ZNF440: variants seen among roughly 807,000 people sequenced by gnomAD.
ZNF440 encodes the protein zinc finger protein 440.
In ZNF440, 47 loss-of-function variants were observed where a neutral mutation model predicts 49.7. That is an observed-to-expected ratio of 0.95 (90% CI 0.75 to 1.21). ZNF440 has a LOEUF of 1.21. Ranked by LOEUF, ZNF440 falls within the 50% of genes most tolerant of loss-of-function variation. The probability of loss-of-function intolerance (pLI) is 0.00; values close to 1 mark genes in which losing one functional copy is unlikely to be tolerated. For synonymous variants in ZNF440, 255 were observed against 237.7 expected, an observed-to-expected ratio of 1.07 and a Z score of -0.67; for missense variants, 703 against 715.0, an observed-to-expected ratio of 0.98 and a Z score of 0.19.
At chr19:11,818,547 A>T (rs1022123532) in intron 1 of ZNF440, among the ~76,000 whole-genome samples, 2 of 146,012 alleles carry the variant, frequency 1.4e-5, no homozygotes, top group African/African-American at 5.2e-5. Flanking sequence ...ACAACAATTT[A>T]ATTATTATTA....
At chr19:11,823,439 T>C (rs1975823519) in intron 1 of ZNF440, among the ~76,000 whole-genome samples, 1 of 152,186 alleles carries the variant, frequency 6.6e-6, no homozygotes, top group Non-Finnish European at 1.5e-5. Context: ...AGTTTTTCCT[T>C]AATTTTAGTG....
In ZNF440 at chr19:11,833,700, CT is replaced by C; in HGVS notation, c.*738del. Reference sequence around the variant, plus strand: ...GAAAGCCTTCATTTCTTCTAGTTCCCTTCAATATCATGAAAGGACTCACACT... The same window carrying C: ...GAAAGCCTTCATTTCTTCTAGTTCCCTCAATATCATGAAAGGACTCACACT... On this transcript the variant is annotated 3_prime_UTR_variant, in exon 4 of 4. Coordinates refer to ENST00000304060, the MANE Select transcript of ZNF440 (RefSeq NM_152357.3). 2 of 590,922 alleles carry C rather than the reference CT, an allele frequency of 3.4e-6. No homozygotes were observed. The highest frequency in any genetic ancestry group is 2.7e-6 in the Non-Finnish European group (1 of 365,618). The allele number at this position is 590,922 out of a possible 1,614,324, so 36.6% of individuals were successfully genotyped here. A position where few individuals can be genotyped will look rare whatever the true frequency, so the allele number is the denominator to read the frequency against.
chr19:11,826,650 T>A (rs1039407387), intron 1 of ZNF440, among the ~76,000 whole-genome samples: 6 of 138,638 alleles, frequency 4.3e-5, no homozygotes, highest in African/African-American at 1.6e-4. Flanking sequence ...TTTCCTTTTT[T>A]AATTTTTTTT....
At chr19:11,828,256 C>T (rs1157175643) in intron 1 of ZNF440, among the ~76,000 whole-genome samples, 1 of 152,062 alleles carries the variant, frequency 6.6e-6, no homozygotes, top group Non-Finnish European at 1.5e-5. Context: ...TGCAGTAGCG[C>T]AATCTCGGCT....
At position 11,832,549 on chromosome 19, in the gene ZNF440, A is replaced by G. The variant is rs374035788; in HGVS notation, c.1373A>G (p.Tyr458Cys). The change falls in exon 4 of 4, where the codon TAT becomes TGT. Residue 458 changes from tyrosine (Y) to cysteine (C), a missense_variant. Coordinates refer to ENST00000304060, the MANE Select transcript of ZNF440 (RefSeq NM_152357.3). Reference sequence around the variant, plus strand: ...AGAATACACTCTGGAGAAAGACGTTATAAATGTAAGATATGTGGGAAAGGC... The same window carrying G: ...AGAATACACTCTGGAGAAAGACGTTGTAAATGTAAGATATGTGGGAAAGGC... ...HIRIHSGERR[Y>C]KCKICGKGFY... 2 of 1,614,144 alleles carry G rather than the reference A, an allele frequency of 1.2e-6. No homozygotes were observed. Among genetic ancestry groups the G allele is most frequent in the South Asian group, 1.1e-5 (1 of 91,074 alleles).
chr19:11,825,436 C>T (rs991988618), intron 1 of ZNF440, among the ~76,000 whole-genome samples: 20 of 151,650 alleles, frequency 1.3e-4, no homozygotes, highest in African/African-American at 4.9e-4. Flanking sequence ...CCCCTGTGCT[C>T]CTTCTAATCA....
chr19:11,823,865 A>G (rs1448467730), intron 1 of ZNF440, among the ~76,000 whole-genome samples: 4 of 152,030 alleles, frequency 2.6e-5, no homozygotes, highest in East Asian at 1.9e-4. Context: ...GGGAGGCTGA[A>G]GCAGGAGAAT....
At chr19:11,827,193 A>T (rs1322562730) in intron 1 of ZNF440, among the ~76,000 whole-genome samples, 1 of 151,522 alleles carries the variant, frequency 6.6e-6, no homozygotes, top group Non-Finnish European at 1.5e-5. Context: ...CCTCCTGAGT[A>T]ACTGGGATTA....
intron 1 of ZNF440, 175 bp from the exon 2 acceptor site, chr19:11,830,108 A>C (rs1437428008): frequency 7.4e-7 from 1 of 1,357,302 alleles, no homozygotes; most frequent in African/African-American, 1.5e-5. Flanking sequence ...GAAAAAAAAA[A>C]CAAGTTGCTT....
intron 1 of ZNF440, among the ~76,000 whole-genome samples, chr19:11,825,135 T>TAGCA (rs1279845359): frequency 1.3e-5 from 2 of 151,592 alleles, no homozygotes; most frequent in African/African-American, 4.9e-5. Flanking sequence ...CTAGGCAACA[T>TAGCA]AGCAAGACCC....
Position 11,832,259 on chromosome 19 carries a change from T to A in ZNF440, c.1083T>A (p.Ile361=). The A allele has an allele frequency of 6.2e-7, 1 of 1,614,010 alleles. No homozygotes were observed. The highest frequency in any genetic ancestry group is 8.5e-7 in the Non-Finnish European group (1 of 1,179,990). The change falls in exon 4 of 4, where the codon ATT becomes ATA. Residue 361 remains isoleucine, a synonymous_variant. Coordinates refer to ENST00000304060, the MANE Select transcript of ZNF440 (RefSeq NM_152357.3). ...ATTCATTTCAAAGACATGAAAAAATTCACAGTGGAGAGAAACCCTATAAAT... is the reference window on the plus strand; with the variant it reads ...ATTCATTTCAAAGACATGAAAAAATACACAGTGGAGAGAAACCCTATAAAT... ...SVNSFQRHEK[I]HSGEKPYKCK...
chr19:11,835,112 T>G lies in ZNF440; in HGVS notation c.*2148T>G, dbSNP rs1976003215. The G allele has an allele frequency of 6.6e-6, 1 of 152,182 alleles. No individual in the cohort carries two copies. The highest frequency in any genetic ancestry group is 2.4e-5 in the African/African-American group (1 of 41,390). 9.4% of individuals were successfully genotyped at this position (152,182 alleles called of 1,614,324 possible). A position where few individuals can be genotyped will look rare whatever the true frequency, so the allele number is the denominator to read the frequency against. On this transcript the variant is annotated 3_prime_UTR_variant, in exon 4 of 4. Transcript: ENST00000304060. ...CGAGTGCGGTGGCTCACGCCTATAA[T>G]CCCAGCACTTTGGGAGGCCGAGGCG...
chr19:11,829,764 A>G (rs1385985900), intron 1 of ZNF440, among the ~76,000 whole-genome samples: 2 of 151,834 alleles, frequency 1.3e-5, no homozygotes, highest in African/African-American at 4.8e-5. Flanking sequence ...ACCCAGGAGT[A>G]AGAGGTTGTA....
Position 11,833,403 on chromosome 19 carries a change from C to T in ZNF440, c.*439C>T. On this transcript the variant is annotated 3_prime_UTR_variant, in exon 4 of 4. Transcript: ENST00000304060. The stretch of plus-strand genomic sequence containing the variant: ...GCAAGAACACACAATGGAGAGAAAC[C>T]CTATGAATGTAAAGAATGCAGAAAA... 2 of 420,436 alleles carry T rather than the reference C, an allele frequency of 4.8e-6. No individual in the cohort carries two copies. The highest frequency in any genetic ancestry group is 6.0e-5 in the East Asian group (1 of 16,618). 26.0% of individuals were successfully genotyped at this position (420,436 alleles called of 1,614,324 possible). A position where few individuals can be genotyped will look rare whatever the true frequency, so the allele number is the denominator to read the frequency against.
Position 11,833,502 on chromosome 19 carries a change from A to T in ZNF440, c.*538A>T. 3.1e-6 allele frequency: 1 copy of T among 324,350 alleles called. No individual in the cohort carries two copies. Among genetic ancestry groups the T allele is most frequent in the African/African-American group, 2.2e-5 (1 of 45,256 alleles). 20.1% of individuals were successfully genotyped at this position (324,350 alleles called of 1,614,324 possible). A position where few individuals can be genotyped will look rare whatever the true frequency, so the allele number is the denominator to read the frequency against. ...GGAAGGAAACACTATGAATGCAAGCAATGTGGCAAAGCTTTCACTTCTTCC... is the reference window on the plus strand; with the variant it reads ...GGAAGGAAACACTATGAATGCAAGCTATGTGGCAAAGCTTTCACTTCTTCC... On this transcript the variant is annotated 3_prime_UTR_variant, in exon 4 of 4. Coordinates refer to ENST00000304060, the MANE Select transcript of ZNF440 (RefSeq NM_152357.3).
intron 3 of ZNF440, 69 bp from the exon 4 acceptor site, chr19:11,831,299 A>G (rs1407788836): frequency 6.5e-7 from 1 of 1,541,472 alleles, no homozygotes; most frequent in African/African-American, 1.4e-5. Flanking sequence ...ATGCAAGTGC[A>G]ATACTTGTTG....
In ZNF440 at chr19:11,814,279, C is replaced by T. The variant is rs117233806; in HGVS notation, c.-169C>T. On this transcript the variant is annotated 5_prime_UTR_variant, in exon 1 of 4. Transcript: ENST00000304060. ...GAAGGGGGAAGGGACAGTCGCCCTC[C>T]GTCCATTCCTTTAGTGCTGCGCCGA... 9.0e-3 allele frequency: 5,413 copies of T among 601,122 alleles called. 34 individuals are homozygous for T. Among genetic ancestry groups the T allele is most frequent in the Non-Finnish European group, 0.012 (4,566 of 390,858 alleles). 37.2% of individuals were successfully genotyped at this position (601,122 alleles called of 1,614,324 possible).
intron 1 of ZNF440, among the ~76,000 whole-genome samples, chr19:11,820,849 G>A (rs1358776823): frequency 6.6e-6 from 1 of 152,236 alleles, no homozygotes; most frequent in Admixed American, 6.5e-5. Context: ...CATCTCTGAA[G>A]AGAGAACTCA....
chr19:11,825,219 T>C (rs1204437306), intron 1 of ZNF440, among the ~76,000 whole-genome samples: 1 of 151,996 alleles, frequency 6.6e-6, no homozygotes, highest in Non-Finnish European at 1.5e-5. Context: ...AAAGAAACCA[T>C]ATTGACTTTG....
Sources: gnomAD v4.1 joint callset for allele counts (sites outside exome capture counted in the v4.1 genomes callset) on GRCh38, gnomAD v4.1.1 for gene constraint, MANE v1.5 for transcripts, NCBI Gene and HGNC (gene_info 2026-07-23, HGNC 2026-07-21) for gene names.